Variants in FRMPD2 observed in about 807,000 individuals in gnomAD.
The protein encoded by FRMPD2 is FERM and PDZ domain-containing protein 2.
Under a neutral mutation model 140.1 loss-of-function variants are expected in FRMPD2, and 96 were observed. The observed-to-expected ratio is 0.69, with a 90% CI of 0.58 to 0.81. FRMPD2 has a LOEUF of 0.81. Among genes scored for constraint, FRMPD2 ranks in the 40% least tolerant of loss-of-function variants. The probability of loss-of-function intolerance (pLI) is 0.00; values close to 1 mark genes in which losing one functional copy is unlikely to be tolerated. For missense variants in FRMPD2, 1,240 were observed against 1,447.4 expected (o/e 0.86, Z 2.32); for synonymous variants, 449 against 547.6 (o/e 0.82, Z 2.52).
At chr10:48,190,999 G>A (rs1037158581) in intron 16 of FRMPD2, among the ~76,000 whole-genome samples, 3 of 152,190 alleles carry the variant, frequency 2.0e-5, no homozygotes, top group African/African-American at 7.2e-5. Context: ...ACAAGGTCTT[G>A]GACGCTCCTA....
chr10:48,197,801 T>TATG (rs1257433064), intron 15 of FRMPD2, among the ~76,000 whole-genome samples: 1 of 152,226 alleles, frequency 6.6e-6, no homozygotes, highest in Non-Finnish European at 1.5e-5. Flanking sequence ...TCTGGCTGGT[T>TATG]ATGAAAGGCC....
At chr10:48,213,299 G>A (rs1438336746) in intron 12 of FRMPD2, among the ~76,000 whole-genome samples, 3 of 152,222 alleles carry the variant, frequency 2.0e-5, no homozygotes, top group Non-Finnish European at 4.4e-5. Context: ...AATGCTCTTA[G>A]CATGGCCAAA....
intron 3 of FRMPD2, among the ~76,000 whole-genome samples, chr10:48,246,519 C>T (rs1406097823): frequency 6.6e-6 from 1 of 152,222 alleles, no homozygotes; most frequent in Non-Finnish European, 1.5e-5. Context: ...GTGATGTCTG[C>T]CATGAGCATA....
chr10:48,256,887 C>T (rs1472167834), intron 1 of FRMPD2, among the ~76,000 whole-genome samples: 2 of 152,212 alleles, frequency 1.3e-5, no homozygotes, highest in Non-Finnish European at 2.9e-5. Context: ...CTATTTGAGG[C>T]CCTGTATGGT....
At chr10:48,268,252 A>G (rs555022588) in intron 1 of FRMPD2, among the ~76,000 whole-genome samples, 2 of 152,350 alleles carry the variant, frequency 1.3e-5, no homozygotes, top group South Asian at 4.1e-4. Context: ...GAGGATACAG[A>G]GAAACTGGAT....
intron 4 of FRMPD2, among the ~76,000 whole-genome samples, chr10:48,244,008 G>T (rs1386377178): frequency 6.6e-6 from 1 of 152,210 alleles, no homozygotes; most frequent in Admixed American, 6.5e-5. Flanking sequence ...ACAGGGTTTT[G>T]CTCTGTTGCC....
chr10:48,240,362 C>G lies in FRMPD2; in HGVS notation c.698G>C (p.Arg233Thr). Residue 233 changes from arginine to threonine, a missense_variant and splice_region_variant, in exon 6 of 29, where the codon AGA becomes ACA. By Grantham distance (71) the Arg-to-Thr change is moderately conservative. Transcript: ENST00000374201. The part of the protein sequence containing the change: ...AQAPECLHPC[R>T]VSERSTETQS... ...GACTGCTTAGGGCACGTACCCACCT[C>G]TGCAAGGATGCAGACACTCCGGGGC... 4 of 1,611,752 alleles carry G rather than the reference C, an allele frequency of 2.5e-6. No homozygotes were observed. Among genetic ancestry groups the G allele is most frequent in the Non-Finnish European group, 3.4e-6 (4 of 1,180,030 alleles).
rs17011019 is a variant in FRMPD2 at position 48,212,023 on chromosome 10, A to G, written c.1542T>C (p.Val514=). 0.036 allele frequency: 58,747 copies of G among 1,613,842 alleles called. 1,215 individuals carry two copies. Among genetic ancestry groups the G allele is most frequent in the Non-Finnish European group, 0.04 (47,696 of 1,179,848 alleles). Residue 514 remains valine, a synonymous_variant, in exon 13 of 29, where the codon GTT becomes GTC. Coordinates refer to ENST00000374201, the MANE Select transcript of FRMPD2 (RefSeq NM_001018071.4). Reference sequence around the variant, plus strand: ...TGAGCCGGTGCATCTCTGAGACTTCAACCTGGACCCGTAGAGCGGTCATCC... The same window carrying G: ...TGAGCCGGTGCATCTCTGAGACTTCGACCTGGACCCGTAGAGCGGTCATCC... ...IERMTALRVQ[V]EVSEMHRLSS...
chr10:48,182,263 G>C (rs899361836), intron 20 of FRMPD2, among the ~76,000 whole-genome samples: 34 of 152,172 alleles, frequency 2.2e-4, no homozygotes, highest in Admixed American at 2.0e-3. Flanking sequence ...CCTTCTGGCA[G>C]TGTCATAAGC....
At position 48,259,610 on chromosome 10, in the gene FRMPD2, A is replaced by C. The variant is rs1588859433; in HGVS notation, c.26-7919T>G. ...TGGTGATCTCCAGAGAAACAGAACCAGTAGTACATGAATGTGTGTGTGTAA... is the reference window on the plus strand; with the variant it reads ...TGGTGATCTCCAGAGAAACAGAACCCGTAGTACATGAATGTGTGTGTGTAA... On this transcript the variant is annotated intron_variant, in intron 1 of 28. Coordinates refer to ENST00000374201, the MANE Select transcript of FRMPD2 (RefSeq NM_001018071.4). 2.0e-5 allele frequency among the ~76,000 whole-genome samples: 3 copies of C among 151,844 alleles called. No homozygotes were observed. The East Asian group carries it at 5.8e-4, about 29-fold the overall frequency.
At chr10:48,270,327 C>T (rs1004512296) in intron 1 of FRMPD2, among the ~76,000 whole-genome samples, 1 of 152,162 alleles carries the variant, frequency 6.6e-6, no homozygotes, top group African/African-American at 2.4e-5. Flanking sequence ...CAATTTGCGA[C>T]AGCTGATTTG....
At chr10:48,201,659 G>A in intron 14 of FRMPD2, 2 of 267,826 alleles carry the variant, frequency 7.5e-6, no homozygotes, top group East Asian at 8.5e-5. Flanking sequence ...AAGTGGGTCA[G>A]GTATATTGAC....
chr10:48,205,374 T>C (rs1457889055), intron 14 of FRMPD2, among the ~76,000 whole-genome samples: 5 of 152,204 alleles, frequency 3.3e-5, no homozygotes, highest in Non-Finnish European at 2.9e-5. Flanking sequence ...TAAATACCTG[T>C]AAAAGTTAAA....
chr10:48,264,137 T>C (rs747867285), intron 1 of FRMPD2, among the ~76,000 whole-genome samples: 38 of 151,968 alleles, frequency 2.5e-4, no homozygotes, highest in Admixed American at 1.0e-3. Flanking sequence ...AGAAACTTCT[T>C]CGACTTAATC....
intron 12 of FRMPD2, among the ~76,000 whole-genome samples, chr10:48,213,712 A>G (rs1235172033): frequency 6.6e-6 from 1 of 152,264 alleles, no homozygotes; most frequent in Non-Finnish European, 1.5e-5. Context: ...ACTAGGTGAA[A>G]GAAGTAGGTC....
At chr10:48,234,411 G>A (rs1436215853) in intron 9 of FRMPD2, among the ~76,000 whole-genome samples, 1 of 152,232 alleles carries the variant, frequency 6.6e-6, no homozygotes, top group Non-Finnish European at 1.5e-5. Flanking sequence ...CTAGTTGCCA[G>A]TGTTTCCCAC....
intron 3 of FRMPD2, among the ~76,000 whole-genome samples, chr10:48,248,328 T>C (rs377276635): frequency 1.2e-4 from 18 of 152,338 alleles, no homozygotes; most frequent in African/African-American, 4.1e-4. Flanking sequence ...ATGTCCATTG[T>C]TGAAAAACCA....
intron 10 of FRMPD2, among the ~76,000 whole-genome samples, 173 bp from the exon 11 acceptor site, chr10:48,223,443 G>C (rs1839656146): frequency 6.6e-6 from 1 of 152,120 alleles, no homozygotes; most frequent in South Asian, 2.1e-4. Flanking sequence ...GGGTCATGGG[G>C]TGTCAAGAAG....
At position 48,223,165 on chromosome 10, in the gene FRMPD2, A is replaced by G; in HGVS notation, c.1274T>C (p.Phe425Ser). 1 of 1,614,052 alleles carries G rather than the reference A, an allele frequency of 6.2e-7. No homozygotes were observed. Among genetic ancestry groups the G allele is most frequent in the Non-Finnish European group, 8.5e-7 (1 of 1,179,912 alleles). ...QKTSMNTFTL[F>S]LRIKFFVSHY... ...GCTGACAAAGAACTTTATCCTCAGG[A>G]AGAGTGTGAAGGTATTCATGGAGGT... The change falls in exon 11 of 29, where the codon TTC becomes TCC. Residue 425 changes from phenylalanine (F) to serine (S), a missense_variant. Physicochemically the swap from Phe to Ser is radical, Grantham distance 155 (BLOSUM62 -2). Transcript: ENST00000374201.
Sources: gnomAD v4.1 joint callset for allele counts (sites outside exome capture counted in the v4.1 genomes callset) on GRCh38, gnomAD v4.1.1 for gene constraint, MANE v1.5 for transcripts, NCBI Gene and HGNC (gene_info 2026-07-23, HGNC 2026-07-21) for gene names.